ZNRF2: variants seen among roughly 807,000 people sequenced by gnomAD.
ZNRF2 encodes E3 ubiquitin-protein ligase ZNRF2.
In ZNRF2, 16 loss-of-function variants were observed where a neutral mutation model predicts 20.4. The observed-to-expected ratio is 0.79, with a 90% CI of 0.53 to 1.19. The LOEUF is 1.19. ZNRF2 is among the 50% of genes most tolerant of loss of function. ZNRF2 has a pLI of 0.00. For synonymous variants in ZNRF2, 178 were observed against 144.9 expected (o/e 1.23, Z -1.64); for missense variants, 363 against 332.4 (o/e 1.09, Z -0.72).
rs1342008177 is a variant in ZNRF2, at chr7:30,284,958, A to G, written c.-400A>G. On this transcript the variant is annotated 5_prime_UTR_variant, in exon 1 of 5. Coordinates refer to ENST00000323037, the MANE Select transcript of ZNRF2 (RefSeq NM_147128.4). ...TGGCGGCGGTAGCAGCGGCCGCCCG[A>G]GAGGAGGCGGTGCCGAGATCGGGGG... The G allele has an allele frequency of 1.8e-5, 5 of 285,546 alleles. No homozygotes were observed. Among genetic ancestry groups the G allele is most frequent in the Middle Eastern group, 2.3e-3 (2 of 884 alleles). The allele number at this position is 285,546 out of a possible 1,614,324, so 17.7% of individuals were successfully genotyped here. A position where few individuals can be genotyped will look rare whatever the true frequency, so the allele number is the denominator to read the frequency against.
intron 2 of ZNRF2, among the ~76,000 whole-genome samples, chr7:30,342,048 CTT>C (rs755404064): frequency 4.7e-4 from 62 of 132,476 alleles, no homozygotes; most frequent in Middle Eastern, 3.9e-3. Flanking sequence ...TCAACCCCTG[CTT>C]TTTTTTTTTT....
intron 3 of ZNRF2, among the ~76,000 whole-genome samples, chr7:30,359,310 G>A (rs1419385091): frequency 1.3e-5 from 2 of 152,078 alleles, no homozygotes; most frequent in Admixed American, 1.3e-4. Context: ...AAACTTATTT[G>A]TATCATGACC....
At chr7:30,359,750 C>G (rs559725177) in intron 3 of ZNRF2, among the ~76,000 whole-genome samples, 1 of 152,294 alleles carries the variant, frequency 6.6e-6, no homozygotes, top group South Asian at 2.1e-4. Flanking sequence ...AGGCTAACTT[C>G]ACCATTTTAA....
At chr7:30,355,895 T>C in intron 3 of ZNRF2, 62 bp downstream of exon 3, 1 of 1,292,560 alleles carries the variant, frequency 7.7e-7, no homozygotes, top group South Asian at 1.3e-5. Flanking sequence ...ACATTGTAAT[T>C]AGGGCTGAAA....
intron 1 of ZNRF2, among the ~76,000 whole-genome samples, chr7:30,291,727 A>T (rs1334035316): frequency 6.6e-6 from 1 of 152,246 alleles, no homozygotes; most frequent in African/African-American, 2.4e-5. Context: ...GGTTGGAAAC[A>T]TGAGTCTCTA....
At chr7:30,365,837 AC>A in intron 4 of ZNRF2, among the ~76,000 whole-genome samples, 197 bp from the exon 5 acceptor site, 1 of 152,218 alleles carries the variant, frequency 6.6e-6, no homozygotes, top group South Asian at 2.1e-4. Flanking sequence ...TGCATTCTTT[AC>A]TTGCGTGTAG....
chr7:30,351,027 T>C (rs1442872806), intron 2 of ZNRF2, among the ~76,000 whole-genome samples: 1 of 151,550 alleles, frequency 6.6e-6, no homozygotes, highest in Non-Finnish European at 1.5e-5. Flanking sequence ...TAAAGAATTT[T>C]GGCTGTTTGC....
At chr7:30,322,118 T>A (rs1799480076) in intron 1 of ZNRF2, among the ~76,000 whole-genome samples, 1 of 152,238 alleles carries the variant, frequency 6.6e-6, no homozygotes, top group Non-Finnish European at 1.5e-5. Context: ...AATCGAATCC[T>A]CCTTCCTGTT....
chr7:30,325,170 G>T (rs1799533933), intron 2 of ZNRF2, among the ~76,000 whole-genome samples: 1 of 152,086 alleles, frequency 6.6e-6, no homozygotes, highest in Non-Finnish European at 1.5e-5. Context: ...CCAATGAATA[G>T]AATAAAATGA....
Position 30,366,147 on chromosome 7 carries a change from G to GT in ZNRF2, c.*136dup, listed in dbSNP as rs1444361136. The GT allele has an allele frequency of 6.6e-6, 1 of 152,580 alleles. No homozygotes were observed. The highest frequency in any genetic ancestry group is 1.5e-5 in the Non-Finnish European group (1 of 68,028). 9.5% of individuals were successfully genotyped at this position (152,580 alleles called of 1,614,324 possible). ...AGAAATCTGAGTTTTGTGAGACTTG[G>GT]TAATACAGAGATGGACAATCGTACT... is the stretch of plus-strand genomic sequence containing the variant. On this transcript the variant is annotated 3_prime_UTR_variant, in exon 5 of 5. Transcript: ENST00000323037.
At chr7:30,300,835 A>G (rs1033032611) in intron 1 of ZNRF2, among the ~76,000 whole-genome samples, 1 of 152,226 alleles carries the variant, frequency 6.6e-6, no homozygotes, top group Non-Finnish European at 1.5e-5. Flanking sequence ...TATTAGGTAG[A>G]CAATGGCTAG....
chr7:30,365,061 A>T (rs1165619603), intron 4 of ZNRF2, among the ~76,000 whole-genome samples: 2 of 148,766 alleles, frequency 1.3e-5, no homozygotes, highest in Non-Finnish European at 3.0e-5. Flanking sequence ...CAAAGGCCCC[A>T]CCTCTTAATA....
In ZNRF2 at chr7:30,366,717, C is replaced by T. The variant is rs1800220655; in HGVS notation, c.*705C>T. Reference sequence around the variant, plus strand: ...AAGAGCAAATCATATTACATAATTACATTTTAATTAAATATAGAATATTCT... The same window carrying T: ...AAGAGCAAATCATATTACATAATTATATTTTAATTAAATATAGAATATTCT... On this transcript the variant is annotated 3_prime_UTR_variant, in exon 5 of 5. Transcript: ENST00000323037. 1 of 152,448 alleles carries T rather than the reference C, an allele frequency of 6.6e-6. No homozygotes were observed. The highest frequency in any genetic ancestry group is 2.4e-5 in the African/African-American group (1 of 41,416). The allele number at this position is 152,448 out of a possible 1,614,324, so 9.4% of individuals were successfully genotyped here.
intron 1 of ZNRF2, among the ~76,000 whole-genome samples, chr7:30,318,837 T>A (rs1277066666): frequency 6.6e-6 from 1 of 152,166 alleles, no homozygotes; most frequent in Non-Finnish European, 1.5e-5. Context: ...AGAGGCTGGG[T>A]GTGTTGGCTC....
chr7:30,329,605 G>T (rs1406667123), intron 2 of ZNRF2, among the ~76,000 whole-genome samples: 2 of 152,092 alleles, frequency 1.3e-5, no homozygotes, highest in African/African-American at 4.8e-5. Flanking sequence ...ATGTCCTCCA[G>T]TTCCATCCAT....
intron 2 of ZNRF2, among the ~76,000 whole-genome samples, chr7:30,334,622 ATATTT>A (rs2127950124): frequency 6.6e-6 from 1 of 152,258 alleles, no homozygotes; most frequent in Non-Finnish European, 1.5e-5. Context: ...TTTTCTTTCG[ATATTT>A]TATTTAAAAA....
intron 2 of ZNRF2, among the ~76,000 whole-genome samples, chr7:30,331,951 C>T (rs751953765): frequency 1.3e-5 from 2 of 152,130 alleles, no homozygotes; most frequent in Non-Finnish European, 2.9e-5. Context: ...TAGTTACAGT[C>T]TCATCCAGTT....
chr7:30,312,324 T>C (rs1485453641), intron 1 of ZNRF2, among the ~76,000 whole-genome samples: 1 of 152,162 alleles, frequency 6.6e-6, no homozygotes, highest in Non-Finnish European at 1.5e-5. Flanking sequence ...TTGATACTGG[T>C]TACATCCTGA....
At chr7:30,318,707 C>G (rs915249561) in intron 1 of ZNRF2, among the ~76,000 whole-genome samples, 1 of 152,156 alleles carries the variant, frequency 6.6e-6, no homozygotes, top group Non-Finnish European at 1.5e-5. Flanking sequence ...TTGCCTTAGT[C>G]ATCAACAATG....
Sources: gnomAD v4.1 joint callset for allele counts (sites outside exome capture counted in the v4.1 genomes callset) on GRCh38, gnomAD v4.1.1 for gene constraint, MANE v1.5 for transcripts, NCBI Gene and HGNC (gene_info 2026-07-23, HGNC 2026-07-21) for gene names.